TMTC1: variants seen among roughly 807,000 people sequenced by gnomAD.
TMTC1 encodes transmembrane O-mannosyltransferase targeting cadherins 1.
Under a neutral mutation model 104.8 loss-of-function variants are expected in TMTC1, and 73 were observed. The ratio of observed to expected loss-of-function variants is 0.70; its 90% CI spans 0.58 to 0.85. The LOEUF (loss-of-function observed/expected upper bound fraction) is 0.85, where lower values mean the gene tolerates loss of function less well. TMTC1 is among the 40% of genes least tolerant of loss of function. The probability of loss-of-function intolerance (pLI) is 0.00; values close to 1 mark genes in which losing one functional copy is unlikely to be tolerated. For missense variants in TMTC1, 1,035 were observed against 1,096.1 expected, an observed-to-expected ratio of 0.94 and a Z score of 0.79; for synonymous variants, 434 against 428.7, an observed-to-expected ratio of 1.01 and a Z score of -0.15.
chr12:29,677,672 C>T (rs1311717353), intron 5 of TMTC1, among the ~76,000 whole-genome samples: 1 of 152,208 alleles, frequency 6.6e-6, no homozygotes, highest in African/African-American at 2.4e-5. Context: ...CTCACATTAT[C>T]CCACTTGGTC....
rs1938393981 is a variant in TMTC1 at position 29,633,330 on chromosome 12, G to A, written c.945C>T (p.Leu315=). The A allele has an allele frequency of 3.1e-6, 5 of 1,605,282 alleles. No homozygotes were observed. Among genetic ancestry groups the A allele is most frequent in the South Asian group, 1.1e-5 (1 of 90,086 alleles). ...TGAAGGCCAAGAGGTAGGAATAGGT[G>A]AGGAATCTATAAAGAGAAGAAGAAT... The part of the protein sequence containing the change: ...PRAVWSMMRF[L]TYSYLLAFNV... Residue 315 remains leucine (L), a synonymous_variant, in exon 6 of 18, where the codon CTC becomes CTT. Transcript: ENST00000539277.
intron 6 of TMTC1, among the ~76,000 whole-genome samples, chr12:29,617,347 T>C (rs1947010096): frequency 6.6e-6 from 1 of 152,178 alleles, no homozygotes; most frequent in South Asian, 2.1e-4. Flanking sequence ...TGGAAAAACC[T>C]GGTCATTGAT....
chr12:29,678,413 G>T (rs534337550), intron 5 of TMTC1, among the ~76,000 whole-genome samples: 1 of 152,188 alleles, frequency 6.6e-6, no homozygotes, highest in Non-Finnish European at 1.5e-5. Context: ...TCCAGGTCTG[G>T]CCCCTAAAAT....
intron 6 of TMTC1, among the ~76,000 whole-genome samples, chr12:29,619,325 A>G (rs1056711784): frequency 2.0e-5 from 3 of 152,260 alleles, no homozygotes; most frequent in Admixed American, 2.0e-4. Context: ...AAAGCCAAGC[A>G]GAGCACTCCA....
chr12:29,784,443 T>TG (rs1378710139), upstream of TMTC1: 1 of 152,166 alleles, frequency 6.6e-6, no homozygotes, highest in Non-Finnish European at 1.5e-5. Flanking sequence ...TGTGCTCTCC[T>TG]GCCCGGGCTT....
intron 1 of TMTC1, among the ~76,000 whole-genome samples, chr12:29,774,168 C>G (rs959910032): frequency 3.3e-5 from 5 of 152,148 alleles, no homozygotes; most frequent in African/African-American, 1.2e-4. Context: ...CCCCATGAGT[C>G]CCAGTGGTTC....
intron 5 of TMTC1, among the ~76,000 whole-genome samples, chr12:29,670,772 T>C (rs966115003): frequency 3.3e-5 from 5 of 150,382 alleles, no homozygotes; most frequent in African/African-American, 1.2e-4. Flanking sequence ...GTATTAAAAA[T>C]ACAAAAAAAT....
At chr12:29,539,370 C>T (rs73263838) in intron 10 of TMTC1, among the ~76,000 whole-genome samples, 2,248 of 151,798 alleles carry the variant, frequency 0.015, 41 homozygotes, top group African/African-American at 0.046. Flanking sequence ...TACTCAGTTT[C>T]GCTTGCTAAT....
rs75419813 is a variant in TMTC1 at position 29,536,097 on chromosome 12, T to C, written c.1785+112A>G. 3,161 of 732,114 alleles carry C rather than the reference T, an allele frequency of 4.3e-3. 85 individuals carry two copies. The African/African-American group carries it at 0.051, about 12-fold the overall frequency. 45.4% of individuals were successfully genotyped at this position (732,114 alleles called of 1,614,324 possible). ...TGTCCAAAAGAAACTGACATAGAGATTGGTTGTCCAATATGGGTTTACAAA... is the reference window on the plus strand; with the variant it reads ...TGTCCAAAAGAAACTGACATAGAGACTGGTTGTCCAATATGGGTTTACAAA... On this transcript the variant is annotated intron_variant, in intron 11 of 17. Coordinates refer to ENST00000539277, the MANE Select transcript of TMTC1 (RefSeq NM_001193451.2).
rs1943662480 is a variant in TMTC1 at position 29,504,734 on chromosome 12, C to T, written c.*2112G>A. The T allele has an allele frequency of 6.6e-6, 1 of 152,174 alleles. No individual in the cohort carries two copies. The highest frequency in any genetic ancestry group is 1.5e-5 in the Non-Finnish European group (1 of 68,034). The allele number at this position is 152,174 out of a possible 1,614,324, so 9.4% of individuals were successfully genotyped here. A position where few individuals can be genotyped will look rare whatever the true frequency, so the allele number is the denominator to read the frequency against. On this transcript the variant is annotated 3_prime_UTR_variant, in exon 18 of 18. Transcript: ENST00000539277. ...CATTTCTGTTATTCCAACAAATGTA[C>T]TCTCCTACCTTTATTAGCACTTCAA...
At chr12:29,673,426 A>G (rs1409723279) in intron 5 of TMTC1, among the ~76,000 whole-genome samples, 2 of 152,144 alleles carry the variant, frequency 1.3e-5, no homozygotes, top group Non-Finnish European at 2.9e-5. Context: ...ATAATAATTA[A>G]GTCTACATGA....
chr12:29,700,600 T>G (rs1011165744), intron 5 of TMTC1, among the ~76,000 whole-genome samples: 3 of 152,200 alleles, frequency 2.0e-5, no homozygotes, highest in African/African-American at 7.2e-5. Context: ...GGAGAGAAGC[T>G]GGAATTTTGT....
chr12:29,773,774 T>C (rs74519069), intron 1 of TMTC1, among the ~76,000 whole-genome samples: 3,505 of 152,278 alleles, frequency 0.023, 130 homozygotes, highest in African/African-American at 0.077. Flanking sequence ...AGGCCCATCA[T>C]GATCAAGGCA....
In TMTC1 at chr12:29,629,139, G is replaced by A. The variant is rs181656346; in HGVS notation, c.1128+4008C>T. The stretch of plus-strand genomic sequence containing the variant: ...TTGAGACCATCCTGGCTAACACAGT[G>A]AAACCCCGTCTCTACTAAAAAAATA... On this transcript the variant is annotated intron_variant, in intron 6 of 17. Coordinates refer to ENST00000539277, the MANE Select transcript of TMTC1 (RefSeq NM_001193451.2). 2.9e-3 allele frequency among the ~76,000 whole-genome samples: 444 copies of A among 151,450 alleles called. 2 individuals are homozygous for A. The highest frequency in any genetic ancestry group is 0.01 in the African/African-American group (430 of 41,376).
intron 8 of TMTC1, among the ~76,000 whole-genome samples, chr12:29,574,785 C>T (rs966555829): frequency 6.6e-6 from 1 of 152,132 alleles, no homozygotes; most frequent in Admixed American, 6.6e-5. Flanking sequence ...CCTCACAGGC[C>T]CTATATCCAG....
At chr12:29,595,189 A>G (rs1946375904) in intron 7 of TMTC1, among the ~76,000 whole-genome samples, 1 of 152,214 alleles carries the variant, frequency 6.6e-6, no homozygotes, top group Admixed American at 6.5e-5. Context: ...AGACACAAAC[A>G]TTCATCTTTT....
At chr12:29,541,766 C>A (rs1944805814) in intron 10 of TMTC1, among the ~76,000 whole-genome samples, 1 of 147,926 alleles carries the variant, frequency 6.8e-6, no homozygotes, top group Admixed American at 6.9e-5. Flanking sequence ...TCAAGCAATT[C>A]TCCTGCCTCA....
At chr12:29,743,072 T>A (rs755818488) in intron 5 of TMTC1, among the ~76,000 whole-genome samples, 7 of 152,354 alleles carry the variant, frequency 4.6e-5, no homozygotes, top group African/African-American at 1.7e-4. Context: ...TTAAGAGCTA[T>A]CATAAGCTGT....
intron 2 of TMTC1, among the ~76,000 whole-genome samples, chr12:29,765,753 C>T: frequency 6.6e-6 from 1 of 151,938 alleles, no homozygotes; most frequent in African/African-American, 2.4e-5. Context: ...TGAATCTTAC[C>T]TTTTGTTAGA....
Sources: gnomAD v4.1 joint callset for allele counts (sites outside exome capture counted in the v4.1 genomes callset) on GRCh38, gnomAD v4.1.1 for gene constraint, MANE v1.5 for transcripts, NCBI Gene and HGNC (gene_info 2026-07-23, HGNC 2026-07-21) for gene names.